Variants in PRKAG2 observed in about 807,000 individuals in gnomAD.
The protein encoded by PRKAG2 is protein kinase AMP-activated non-catalytic subunit gamma 2, also known as 5'-AMP-activated protein kinase subunit gamma-2.
Under a neutral mutation model 69.6 loss-of-function variants are expected in PRKAG2, and 26 were observed. The ratio of observed to expected loss-of-function variants is 0.37; its 90% CI spans 0.27 to 0.52. The LOEUF (loss-of-function observed/expected upper bound fraction) is 0.52. Among genes scored for constraint, PRKAG2 ranks in the 20% least tolerant of loss-of-function variants. PRKAG2 has a pLI of 0.90. For missense variants in PRKAG2, 557 were observed against 740.0 expected, an observed-to-expected ratio of 0.75 and a Z score of 2.87; for synonymous variants, 293 against 285.0, an observed-to-expected ratio of 1.03 and a Z score of -0.28.
chr7:151,781,009 G>C lies in PRKAG2; in HGVS notation c.466+143C>G, dbSNP rs551404191. On this transcript the variant is annotated intron_variant, in intron 3 of 15. Transcript: ENST00000287878. This position sits in a 1 kb window ranked among gnomAD's most constrained non-coding sequence, Gnocchi z 6.1. ...GAGAGATTTGTTTAGGGGGAAGTGG[G>C]GGTGGGGAGAAACAGATACAGGCAC... The C allele has an allele frequency of 5.6e-6, 6 of 1,078,910 alleles. No individual in the cohort carries two copies. The East Asian group carries it at 1.4e-4, about 25-fold the overall frequency. The allele number at this position is 1,078,910 out of a possible 1,614,324, so 66.8% of individuals were successfully genotyped here. A position where few individuals can be genotyped will look rare whatever the true frequency, so the allele number is the denominator to read the frequency against.
At chr7:151,802,128 G>A (rs138844453) in intron 1 of PRKAG2, among the ~76,000 whole-genome samples, 281 of 152,316 alleles carry the variant, frequency 1.8e-3, no homozygotes, top group Non-Finnish European at 2.4e-3. Context: ...CTTTCTCATG[G>A]AGAAAGTGCA....
At chr7:151,755,163 G>T (rs2074999948) in intron 3 of PRKAG2, among the ~76,000 whole-genome samples, 1 of 152,160 alleles carries the variant, frequency 6.6e-6, no homozygotes, top group Admixed American at 6.5e-5. Flanking sequence ...CTCTGGGAGG[G>T]GCTGAAGGCT....
In PRKAG2 at chr7:151,807,962, A is replaced by T. The variant is rs929912441; in HGVS notation, c.115-21421T>A. Among the ~76,000 whole-genome samples, 1 of 152,194 alleles carries T rather than the reference A, an allele frequency of 6.6e-6. No individual in the cohort carries two copies. Among genetic ancestry groups the T allele is most frequent in the Non-Finnish European group, 1.5e-5 (1 of 68,036 alleles). ...CTGGAGGAAGGAAGAGGCTAAAGGCATAGTTTCGTAACCCCTCCCTACAAA... is the reference window on the plus strand; with the variant it reads ...CTGGAGGAAGGAAGAGGCTAAAGGCTTAGTTTCGTAACCCCTCCCTACAAA... On this transcript the variant is annotated intron_variant, in intron 1 of 15. Transcript: ENST00000287878. The surrounding 1 kb of genome is among the most constrained non-coding windows in gnomAD (Gnocchi z 4.4).
At position 151,650,756 on chromosome 7, in the gene PRKAG2, G is replaced by T. The variant is rs144409253; in HGVS notation, c.685-18618C>A. 2.6e-5 allele frequency among the ~76,000 whole-genome samples: 4 copies of T among 152,300 alleles called. No individual in the cohort carries two copies. In the East Asian group the frequency reaches 5.8e-4, roughly 22 times the overall value. On this transcript the variant is annotated intron_variant, in intron 4 of 15. Coordinates refer to ENST00000287878, the MANE Select transcript of PRKAG2 (RefSeq NM_016203.4). ...ACTGTGACAACCTCCTACTCCAGGG[G>T]AGAAGGCCAGTGTCACTTAAGAAGG...
chr7:151,605,629 T>C (rs1817342479), intron 5 of PRKAG2, among the ~76,000 whole-genome samples: 1 of 151,740 alleles, frequency 6.6e-6, no homozygotes, highest in Admixed American at 6.6e-5. Context: ...CCCAGCTACT[T>C]GGCAGGCTGA....
intron 1 of PRKAG2, among the ~76,000 whole-genome samples, chr7:151,866,204 C>CACCGTCCAGCCTCAGCCTG (rs1563766227): frequency 1.3e-5 from 2 of 152,194 alleles, no homozygotes; most frequent in Non-Finnish European, 2.9e-5. Flanking sequence ...TCTCTGGGCC[C>CACCGTCCAGCCTCAGCCTG]ACCGTCCAGC....
At chr7:151,595,038 T>C (rs1281388766) in intron 6 of PRKAG2, among the ~76,000 whole-genome samples, 1 of 152,170 alleles carries the variant, frequency 6.6e-6, no homozygotes, top group Admixed American at 6.5e-5. Flanking sequence ...CCTCAGGTAA[T>C]CTGCCAGCCT....
intron 3 of PRKAG2, among the ~76,000 whole-genome samples, chr7:151,768,117 C>T (rs1205477137): frequency 2.0e-5 from 3 of 152,178 alleles, no homozygotes; most frequent in Non-Finnish European, 1.5e-5. Context: ...TCATGGGACT[C>T]CTCCAGGAGG....
chr7:151,786,650 A>C, intron 1 of PRKAG2, 109 bp from the exon 2 acceptor site: 1 of 893,232 alleles, frequency 1.1e-6, no homozygotes, highest in East Asian at 2.6e-5. Flanking sequence ...TTATCCTTCA[A>C]ATCCACCATG....
chr7:151,675,669 T>TCCG (rs773334520), intron 3 of PRKAG2, 32 bp from the exon 4 acceptor site: 154 of 1,580,398 alleles, frequency 9.7e-5, no homozygotes, highest in Non-Finnish European at 1.1e-4. Context: ...CGGTCAGAGG[T>TCCG]CCGGCTTCCA....
At chr7:151,742,966 A>G (rs2074005428) in intron 3 of PRKAG2, among the ~76,000 whole-genome samples, 1 of 152,326 alleles carries the variant, frequency 6.6e-6, no homozygotes, top group African/African-American at 2.4e-5. Context: ...GCAGGGGCTG[A>G]GGACCCTTCT....
intron 3 of PRKAG2, among the ~76,000 whole-genome samples, chr7:151,721,251 G>A (rs1797046095): frequency 6.6e-6 from 1 of 152,158 alleles, no homozygotes; most frequent in East Asian, 1.9e-4. Flanking sequence ...TGAAGCGGGG[G>A]TCCTGTCCCC....
intron 3 of PRKAG2, among the ~76,000 whole-genome samples, chr7:151,773,518 C>T (rs2076190449): frequency 6.6e-6 from 1 of 152,194 alleles, no homozygotes; most frequent in African/African-American, 2.4e-5. Flanking sequence ...GTTTGGTAAA[C>T]ATTGTACAAA....
intron 3 of PRKAG2, among the ~76,000 whole-genome samples, chr7:151,690,009 T>TG (rs1438124004): frequency 6.6e-6 from 1 of 152,062 alleles, no homozygotes; most frequent in Non-Finnish European, 1.5e-5. Flanking sequence ...AAGCTGCAGA[T>TG]GAAAGGGAAA....
At chr7:151,805,300 T>C (rs1366139279) in intron 1 of PRKAG2, among the ~76,000 whole-genome samples, 1 of 152,138 alleles carries the variant, frequency 6.6e-6, no homozygotes, top group African/African-American at 2.4e-5. Context: ...GTGGAGAGGC[T>C]GCACGGATGG....
At position 151,719,338 on chromosome 7, in the gene PRKAG2, A is replaced by AC. The variant is rs1409387127; in HGVS notation, c.467-43702dup. ...CTTTATGAAGGAGGTAGTCACAGAG[A>AC]CCCACCGCTCAGGCCTCCTGCTGGG... On this transcript the variant is annotated intron_variant, in intron 3 of 15. Transcript: ENST00000287878. The surrounding 1 kb of genome is among the most constrained non-coding windows in gnomAD (Gnocchi z 5.2). 1.3e-5 allele frequency among the ~76,000 whole-genome samples: 2 copies of AC among 151,884 alleles called. No homozygotes were observed. The highest frequency in any genetic ancestry group is 2.9e-5 in the Non-Finnish European group (2 of 67,968).
intron 1 of PRKAG2, among the ~76,000 whole-genome samples, chr7:151,857,698 C>A (rs1419053313): frequency 3.3e-5 from 5 of 152,190 alleles, no homozygotes; most frequent in African/African-American, 4.8e-5. Context: ...CAGCTGCCAC[C>A]CACGCATGCT....
At chr7:151,655,311 G>A (rs1224897705) in intron 4 of PRKAG2, among the ~76,000 whole-genome samples, 1 of 152,118 alleles carries the variant, frequency 6.6e-6, no homozygotes, top group Non-Finnish European at 1.5e-5. Flanking sequence ...TAGCCTATTA[G>A]ATATGAGCTG....
intron 5 of PRKAG2, among the ~76,000 whole-genome samples, chr7:151,598,382 G>GGTTA: frequency 6.6e-6 from 1 of 152,074 alleles, no homozygotes; most frequent in Admixed American, 6.6e-5. Context: ...ATTGCACAGT[G>GGTTA]GGGTGACTAT....
Sources: gnomAD v4.1 joint callset for allele counts (sites outside exome capture counted in the v4.1 genomes callset) on GRCh38, gnomAD v4.1.1 for gene constraint, Gnocchi (gnomAD v3.1) non-coding constraint, MANE v1.5 for transcripts, NCBI Gene and HGNC (gene_info 2026-07-23, HGNC 2026-07-21) for gene names.